The following HDAC9 variants were observed in gnomAD, a reference collection of about 807,000 sequenced individuals.
The protein encoded by HDAC9 is MEF-2 interacting transcription repressor (MITR) protein.
In HDAC9, 41 loss-of-function variants were observed where a neutral mutation model predicts 139.4. The ratio of observed to expected loss-of-function variants is 0.29; its 90% CI spans 0.23 to 0.38. The LOEUF is 0.38. Among genes scored for constraint, HDAC9 ranks in the 10% least tolerant of loss-of-function variants. HDAC9 has a pLI of 1.00. For synonymous variants in HDAC9, 517 were observed against 476.2 expected, an observed-to-expected ratio of 1.09 and a Z score of -1.12; for missense variants, 1,147 against 1,297.0, an observed-to-expected ratio of 0.88 and a Z score of 1.78.
intron 1 of HDAC9, among the ~76,000 whole-genome samples, chr7:18,396,871 G>A (rs911398128): frequency 1.3e-5 from 2 of 152,072 alleles, no homozygotes; most frequent in Admixed American, 6.6e-5. Flanking sequence ...GGTTGTCATT[G>A]TGTTGTAAAA....
intron 17 of HDAC9, among the ~76,000 whole-genome samples, chr7:18,819,125 C>A (rs944410919): frequency 2.6e-5 from 4 of 152,042 alleles, no homozygotes; most frequent in Non-Finnish European, 5.9e-5. Context: ...ACTAAAAATA[C>A]AAAAATTAGA....
intron 13 of HDAC9, among the ~76,000 whole-genome samples, chr7:18,731,914 C>A (rs140239376): frequency 0.014 from 2,094 of 152,242 alleles, 36 homozygotes; most frequent in African/African-American, 0.04. Flanking sequence ...GCATGAGCCA[C>A]CAGGCCCAGC....
intron 1 of HDAC9, among the ~76,000 whole-genome samples, chr7:18,476,810 A>G (rs555905550): frequency 6.6e-6 from 1 of 152,306 alleles, no homozygotes; most frequent in African/African-American, 2.4e-5. Flanking sequence ...ATTTTGAACA[A>G]CTAAGTTCTG....
chr7:18,623,146 GAAA>G (rs200409519), intron 6 of HDAC9, among the ~76,000 whole-genome samples: 115 of 140,666 alleles, frequency 8.2e-4, no homozygotes, highest in African/African-American at 8.8e-4. Flanking sequence ...CCGGTCTCTG[GAAA>G]AAAAAAAAAA....
intron 1 of HDAC9, among the ~76,000 whole-genome samples, chr7:18,482,215 C>A (rs1795609207): frequency 6.6e-6 from 1 of 151,358 alleles, no homozygotes; most frequent in Non-Finnish European, 1.5e-5. Flanking sequence ...GGGGCACAAC[C>A]ATGGACCCTC....
chr7:18,413,391 A>G (rs150345139), intron 1 of HDAC9, among the ~76,000 whole-genome samples: 30 of 152,286 alleles, frequency 2.0e-4, no homozygotes, highest in Non-Finnish European at 3.5e-4. Context: ...CTATCTCTGG[A>G]TCCCTAAGGA....
At chr7:18,307,942 C>T (rs1799039951) in intron 1 of HDAC9, among the ~76,000 whole-genome samples, 2 of 152,110 alleles carry the variant, frequency 1.3e-5, no homozygotes, top group South Asian at 4.1e-4. Context: ...ATATATGCAC[C>T]AATGGTTCTC....
intron 1 of HDAC9, among the ~76,000 whole-genome samples, chr7:18,441,997 C>T (rs1219570799): frequency 2.0e-5 from 3 of 152,146 alleles, no homozygotes; most frequent in Non-Finnish European, 4.4e-5. Context: ...GTCTCGATCT[C>T]CTGACCTCGT....
chr7:18,347,707 C>T (rs1782529064), intron 1 of HDAC9, among the ~76,000 whole-genome samples: 1 of 152,094 alleles, frequency 6.6e-6, no homozygotes, highest in Non-Finnish European at 1.5e-5. Flanking sequence ...AAGTGATTCT[C>T]CTGCTTCAGG....
At chr7:18,133,566 A>G (rs1445134448) in intron 1 of HDAC9, among the ~76,000 whole-genome samples, 1 of 152,160 alleles carries the variant, frequency 6.6e-6, no homozygotes, top group East Asian at 1.9e-4. Context: ...TTGCAATTAT[A>G]GGATGCACAT....
intron 1 of HDAC9, among the ~76,000 whole-genome samples, chr7:18,138,845 C>A (rs1036091682): frequency 6.6e-6 from 1 of 152,114 alleles, no homozygotes; most frequent in African/African-American, 2.4e-5. Flanking sequence ...CCAAGTCTCT[C>A]AATTCAGAGT....
intron 8 of HDAC9, among the ~76,000 whole-genome samples, chr7:18,635,367 C>T (rs1394781245): frequency 6.6e-6 from 1 of 151,836 alleles, no homozygotes; most frequent in Non-Finnish European, 1.5e-5. Flanking sequence ...AGTCATTTTG[C>T]CTCACAGTAG....
At chr7:18,868,749 T>C (rs1467769963) in intron 21 of HDAC9, among the ~76,000 whole-genome samples, 2 of 152,156 alleles carry the variant, frequency 1.3e-5, no homozygotes, top group African/African-American at 4.8e-5. Context: ...GCCTCTGATC[T>C]TCTGCTTTCC....
intron 12 of HDAC9, among the ~76,000 whole-genome samples, chr7:18,714,724 C>T (rs933621687): frequency 6.6e-6 from 1 of 152,198 alleles, no homozygotes; most frequent in African/African-American, 2.4e-5. Context: ...CCCTGTACTA[C>T]TCTTCATAAC....
intron 13 of HDAC9, among the ~76,000 whole-genome samples, chr7:18,747,768 G>A (rs1411659414): frequency 6.6e-6 from 1 of 152,172 alleles, no homozygotes; most frequent in Non-Finnish European, 1.5e-5. Flanking sequence ...TCTTTTGTTA[G>A]ACATAATTTC....
At chr7:18,984,072 T>C (rs1172229777) in intron 25 of HDAC9, among the ~76,000 whole-genome samples, 1 of 152,192 alleles carries the variant, frequency 6.6e-6, no homozygotes, top group Non-Finnish European at 1.5e-5. Context: ...CTTACACTTC[T>C]GCATTACTCC....
At chr7:18,596,889 C>T (rs981930896) in intron 6 of HDAC9, among the ~76,000 whole-genome samples, 2 of 152,094 alleles carry the variant, frequency 1.3e-5, no homozygotes, top group Non-Finnish European at 2.9e-5. Flanking sequence ...GAGAGTAAAA[C>T]TGGAATCAGA....
intron 1 of HDAC9, among the ~76,000 whole-genome samples, chr7:18,396,079 ATT>A (rs1787005428): frequency 2.2e-5 from 1 of 46,444 alleles, no homozygotes; most frequent in Non-Finnish European, 5.5e-5. Flanking sequence ...TCAAAGTGTC[ATT>A]CCCTTCCCTT....
chr7:18,461,000 G>A (rs958947845), intron 1 of HDAC9, among the ~76,000 whole-genome samples: 1 of 152,022 alleles, frequency 6.6e-6, no homozygotes, highest in African/African-American at 2.4e-5. Context: ...AAAAAAGCCA[G>A]AAGAAGAAAA....
Sources: gnomAD v4.1 joint callset for allele counts (sites outside exome capture counted in the v4.1 genomes callset) on GRCh38, gnomAD v4.1.1 for gene constraint, MANE v1.5 for transcripts, NCBI Gene and HGNC (gene_info 2026-07-23, HGNC 2026-07-21) for gene names.